RNF185: variants seen among roughly 807,000 people sequenced by gnomAD.
RNF185 encodes ring finger protein 185, also known as E3 ubiquitin-protein ligase RNF185.
In RNF185, 13 loss-of-function variants were observed where a neutral mutation model predicts 24.9. The observed-to-expected ratio is 0.52, with a 90% CI of 0.34 to 0.83. RNF185 has a LOEUF of 0.83. Among genes scored for constraint, RNF185 ranks in the 40% least tolerant of loss-of-function variants. RNF185 has a pLI of 0.01. For synonymous variants in RNF185, 79 were observed against 90.3 expected, an observed-to-expected ratio of 0.88 and a Z score of 0.71; for missense variants, 184 against 244.7, an observed-to-expected ratio of 0.75 and a Z score of 1.65.
chr22:31,182,938 T>TTATTATTATTA (rs1568965695), intron 1 of RNF185: 4 of 50,922 alleles, frequency 7.9e-5, no homozygotes, highest in African/African-American at 3.8e-4. Context: ...TATTATTATT[T>TTATTATTATTA]TTGAGATGGA....
chr22:31,170,040 T>C (rs1924179955), intron 1 of RNF185, among the ~76,000 whole-genome samples: 1 of 152,216 alleles, frequency 6.6e-6, no homozygotes, highest in Non-Finnish European at 1.5e-5. Context: ...GGAAATGGCC[T>C]AGGGGACTCA....
At position 31,172,087 on chromosome 22, in the gene RNF185, A is replaced by T. The variant is rs143369344; in HGVS notation, c.-49+11784A>T. 4.4e-3 allele frequency among the ~76,000 whole-genome samples: 669 copies of T among 152,356 alleles called. 3 individuals carry two copies. The highest frequency in any genetic ancestry group is 0.015 in the African/African-American group (628 of 41,584). On this transcript the variant is annotated intron_variant, in intron 1 of 6. Transcript: ENST00000326132. ...GTCAAACTTATTGTTTTTATACTCTACCTTCAGAATATCTTAGAGGTCTTT... is the reference window on the plus strand; with the variant it reads ...GTCAAACTTATTGTTTTTATACTCTTCCTTCAGAATATCTTAGAGGTCTTT...
rs768756856 is a variant in RNF185 at position 31,187,158 on chromosome 22, G to A, written c.64G>A (p.Gly22Arg). 1 of 1,613,780 alleles carries A rather than the reference G, an allele frequency of 6.2e-7. No individual in the cohort carries two copies. The highest frequency in any genetic ancestry group is 1.3e-5 in the African/African-American group (1 of 75,030). The change falls in exon 2 of 7, where the codon GGG (glycine) becomes AGG (arginine). Residue 22 changes from glycine to arginine, a missense_variant. Coordinates refer to ENST00000326132, the MANE Select transcript of RNF185 (RefSeq NM_152267.4). Reference sequence around the variant, plus strand: ...GAACTCCAGTGCAGGGGGGCCCAGTGGGAGCAGCAATGGCGCTGGCGAGAG... The same window carrying A: ...GAACTCCAGTGCAGGGGGGCCCAGTAGGAGCAGCAATGGCGCTGGCGAGAG... ...PENSSAGGPS[G>R]SSNGAGESGG...
At chr22:31,194,428 T>A (rs1346649095) in intron 3 of RNF185, among the ~76,000 whole-genome samples, 1 of 151,884 alleles carries the variant, frequency 6.6e-6, no homozygotes, top group Non-Finnish European at 1.5e-5. Context: ...GTTGGGAAAA[T>A]GCTATAAAAA....
chr22:31,184,541 G>A (rs2048077674), intron 1 of RNF185, among the ~76,000 whole-genome samples: 1 of 152,148 alleles, frequency 6.6e-6, no homozygotes. Flanking sequence ...TGCAATCTCG[G>A]CACTTTGGGA....
At chr22:31,173,111 GT>G (rs2047945925) in intron 1 of RNF185, among the ~76,000 whole-genome samples, 1 of 152,154 alleles carries the variant, frequency 6.6e-6, no homozygotes, top group Non-Finnish European at 1.5e-5. Flanking sequence ...ACTGGAGTGG[GT>G]AATAGTTCAG....
chr22:31,172,689 C>T (rs1406168078), intron 1 of RNF185, among the ~76,000 whole-genome samples: 1 of 134,112 alleles, frequency 7.5e-6, no homozygotes, highest in Non-Finnish European at 1.5e-5. Context: ...GCAGAGGTTG[C>T]AGTGAGCCAA....
rs2048313602 is a variant in RNF185 at position 31,206,259 on chromosome 22, C to G, written c.*1673C>G. Reference sequence around the variant, plus strand: ...CACCAGAGTTCAGTGTTTAAACAGACAAAATATAAAGTATTGAGTAGGTGG... The same window carrying G: ...CACCAGAGTTCAGTGTTTAAACAGAGAAAATATAAAGTATTGAGTAGGTGG... On this transcript the variant is annotated 3_prime_UTR_variant, in exon 7 of 7. Transcript: ENST00000326132. 6.6e-6 allele frequency: 1 copy of G among 152,586 alleles called. No homozygotes were observed. Among genetic ancestry groups the G allele is most frequent in the Admixed American group, 6.5e-5 (1 of 15,278 alleles). The allele number at this position is 152,586 out of a possible 1,614,324, so 9.5% of individuals were successfully genotyped here.
At chr22:31,179,228 C>T (rs981123042) in intron 1 of RNF185, among the ~76,000 whole-genome samples, 3 of 152,080 alleles carry the variant, frequency 2.0e-5, no homozygotes, top group Non-Finnish European at 2.9e-5. Context: ...ATGCTCAGGA[C>T]CTGATTCTCT....
At chr22:31,161,055 G>C (rs1028849269) in intron 1 of RNF185, among the ~76,000 whole-genome samples, 66 of 152,342 alleles carry the variant, frequency 4.3e-4, no homozygotes, top group African/African-American at 1.6e-3. Context: ...GAGAGCACTG[G>C]AAGGGAATTA....
At chr22:31,173,416 G>GACACACACCC (rs1555881071) in intron 1 of RNF185, among the ~76,000 whole-genome samples, 4 of 146,902 alleles carry the variant, frequency 2.7e-5, no homozygotes, top group Non-Finnish European at 6.0e-5. Flanking sequence ...CACACACACA[G>GACACACACCC]ACACACACAC....
At chr22:31,171,226 A>G (rs1327536095) in intron 1 of RNF185, among the ~76,000 whole-genome samples, 6 of 149,872 alleles carry the variant, frequency 4.0e-5, no homozygotes, top group African/African-American at 7.4e-5. Context: ...CTGGAGTGCA[A>G]TGGCGCCATC....
At chr22:31,168,475 A>G (rs1243824583) in intron 1 of RNF185, among the ~76,000 whole-genome samples, 3 of 152,222 alleles carry the variant, frequency 2.0e-5, no homozygotes, top group Non-Finnish European at 4.4e-5. Flanking sequence ...GTCGATGCAA[A>G]CTTGGATTGC....
intron 1 of RNF185, among the ~76,000 whole-genome samples, chr22:31,180,779 T>G (rs1298037794): frequency 6.6e-6 from 1 of 152,194 alleles, no homozygotes; most frequent in Non-Finnish European, 1.5e-5. Flanking sequence ...AATGTTCTTG[T>G]GAAAGTAATA....
intron 2 of RNF185, among the ~76,000 whole-genome samples, chr22:31,189,134 A>AGTGT (rs1568968881): frequency 2.7e-5 from 1 of 37,008 alleles, no homozygotes; most frequent in Non-Finnish European, 5.9e-5. Flanking sequence ...TCAAAAAAAA[A>AGTGT]ATGTGTGTGT....
intron 1 of RNF185, among the ~76,000 whole-genome samples, chr22:31,168,239 C>G (rs1924054387): frequency 6.6e-6 from 1 of 152,150 alleles, no homozygotes; most frequent in Non-Finnish European, 1.5e-5. Flanking sequence ...TGGCTGGTGT[C>G]AGACTCTTGG....
intron 1 of RNF185, among the ~76,000 whole-genome samples, chr22:31,170,621 A>G (rs1243718421): frequency 1.3e-5 from 2 of 151,836 alleles, no homozygotes; most frequent in South Asian, 2.1e-4. Context: ...AGCGATTCCC[A>G]TGTCTCAGCC....
At chr22:31,188,393 C>G (rs970350271) in intron 2 of RNF185, among the ~76,000 whole-genome samples, 2 of 152,156 alleles carry the variant, frequency 1.3e-5, no homozygotes, top group African/African-American at 4.8e-5. Flanking sequence ...GATCCACATT[C>G]TCCTAGAAAT....
chr22:31,173,235 G>C (rs890168324), intron 1 of RNF185, among the ~76,000 whole-genome samples: 1 of 99,722 alleles, frequency 1.0e-5, no homozygotes, highest in Admixed American at 1.1e-4. Context: ...TTGTGTAAGA[G>C]TTTTGGGTAA....
Sources: allele counts gnomAD v4.1 joint callset (sites outside exome capture counted in the v4.1 genomes callset), GRCh38; gene constraint gnomAD v4.1.1; transcripts MANE v1.5; gene names NCBI Gene and HGNC (gene_info 2026-07-23, HGNC 2026-07-21).